Variants in ELOVL6 observed in about 807,000 individuals in gnomAD.
ELOVL6 encodes very long chain fatty acid elongase 6.
A neutral mutation model predicts 31.7 loss-of-function variants in ELOVL6; 8 were observed. That is an observed-to-expected ratio of 0.25 (90% CI 0.15 to 0.45). ELOVL6 has a LOEUF of 0.45. Among genes scored for constraint, ELOVL6 ranks in the 20% least tolerant of loss-of-function variants. The pLI is 1.00. For missense variants in ELOVL6, 126 were observed against 326.4 expected, an observed-to-expected ratio of 0.39 and a Z score of 4.73; for synonymous variants, 101 against 117.7, an observed-to-expected ratio of 0.86 and a Z score of 0.92.
chr4:110,188,441 C>T (rs907574762), intron 1 of ELOVL6, among the ~76,000 whole-genome samples: 3 of 152,014 alleles, frequency 2.0e-5, no homozygotes, highest in Non-Finnish European at 2.9e-5. Context: ...GTGACACACC[C>T]CTCATCATCA....
chr4:110,125,826 CA>C (rs200901190), intron 1 of ELOVL6, among the ~76,000 whole-genome samples: 89 of 131,366 alleles, frequency 6.8e-4, no homozygotes, highest in Non-Finnish European at 8.5e-4. Context: ...GACTCCATCT[CA>C]AAAAAAAAAA....
At chr4:110,127,462 A>C (rs1757540923) in intron 1 of ELOVL6, among the ~76,000 whole-genome samples, 1 of 151,640 alleles carries the variant, frequency 6.6e-6, no homozygotes, top group East Asian at 1.9e-4. Context: ...TAAGCTCCTA[A>C]AGCTTCTCCT....
chr4:110,157,353 A>C (rs111918039), intron 1 of ELOVL6, among the ~76,000 whole-genome samples: 5 of 152,300 alleles, frequency 3.3e-5, no homozygotes, highest in Admixed American at 6.5e-5. Context: ...GGGAGGGAAA[A>C]GAAGTGACTG....
intron 1 of ELOVL6, among the ~76,000 whole-genome samples, chr4:110,119,568 CAG>C (rs900714636): frequency 2.0e-5 from 3 of 152,158 alleles, no homozygotes; most frequent in Non-Finnish European, 2.9e-5. Context: ...TAAAACTGGT[CAG>C]ACAGTGTCCG....
At chr4:110,082,325 C>G (rs1020905295) in intron 2 of ELOVL6, among the ~76,000 whole-genome samples, 9 of 151,932 alleles carry the variant, frequency 5.9e-5, no homozygotes, top group Non-Finnish European at 8.8e-5. Flanking sequence ...TTCACAATAG[C>G]AAAGACTTGG....
intron 1 of ELOVL6, among the ~76,000 whole-genome samples, chr4:110,109,691 G>A (rs1756977134): frequency 1.3e-5 from 2 of 152,084 alleles, no homozygotes; most frequent in African/African-American, 4.8e-5. Flanking sequence ...TTTTAAACTC[G>A]TGGGATTTCA....
intron 1 of ELOVL6, among the ~76,000 whole-genome samples, chr4:110,156,685 CA>C (rs1310163455): frequency 1.3e-5 from 2 of 151,690 alleles, no homozygotes; most frequent in Non-Finnish European, 2.9e-5. Context: ...GACCCTGCCT[CA>C]AAAAAACAGA....
chr4:110,138,459 T>C (rs966690578), intron 1 of ELOVL6, among the ~76,000 whole-genome samples: 1 of 152,120 alleles, frequency 6.6e-6, no homozygotes, highest in African/African-American at 2.4e-5. Context: ...AAATTAATAG[T>C]AACACACTAC....
At chr4:110,094,425 ATATATATATATATATATAAT>A (rs1174073978) in intron 2 of ELOVL6, among the ~76,000 whole-genome samples, 1,527 of 65,538 alleles carry the variant, frequency 0.023, 95 homozygotes, top group African/African-American at 0.072. Flanking sequence ...ATATATATAT[ATATATATATATATATATAAT>A]ATATATAACA....
Position 110,189,966 on chromosome 4 carries a change from C to CAA in ELOVL6, c.89+8279_89+8280dup, listed in dbSNP as rs34493408. 0.014 allele frequency among the ~76,000 whole-genome samples: 1,873 copies of CAA among 133,648 alleles called. 81 individuals are homozygous for CAA. In the East Asian group the frequency reaches 0.18, roughly 13 times the overall value. 87.7% of individuals were successfully genotyped at this position (133,648 alleles called of 152,430 possible). ...TGGGCGACAGAGCCAGACTCCATCT[C>CAA]AAAAAAAAAAAAAAATTGGATTATA... On this transcript the variant is annotated intron_variant, in intron 1 of 3. Coordinates refer to ENST00000302274, the MANE Select transcript of ELOVL6 (RefSeq NM_024090.3).
intron 2 of ELOVL6, among the ~76,000 whole-genome samples, chr4:110,068,664 G>A (rs972675873): frequency 1.3e-5 from 2 of 152,150 alleles, no homozygotes; most frequent in Admixed American, 1.3e-4. Flanking sequence ...TAACTCCCTT[G>A]CTTTTCAGAG....
chr4:110,178,934 G>GTT (rs1188849718), intron 1 of ELOVL6, among the ~76,000 whole-genome samples: 10 of 152,082 alleles, frequency 6.6e-5, no homozygotes, highest in African/African-American at 2.4e-4. Flanking sequence ...TTTCACTTGT[G>GTT]TTTCTTAAAT....
Position 110,143,799 on chromosome 4 carries a change from T to C in ELOVL6, c.90-38171A>G, listed in dbSNP as rs967257430. The stretch of plus-strand genomic sequence containing the variant: ...GGCCGGGCGCAGTGGCTCACGCCTG[T>C]AATCCCAGCACTTTGGGAGGCTGAG... On this transcript the variant is annotated intron_variant, in intron 1 of 3. Transcript: ENST00000302274. 2.7e-4 allele frequency among the ~76,000 whole-genome samples: 41 copies of C among 152,174 alleles called. 1 individual carries two copies. Among genetic ancestry groups the C allele is most frequent in the African/African-American group, 9.9e-4 (41 of 41,438 alleles).
rs548290160 is a variant in ELOVL6 at position 110,080,084 on chromosome 4, TTGAGGC to T, written c.222-20336_222-20331del. Among the ~76,000 whole-genome samples, 18 of 150,998 alleles carry T rather than the reference TTGAGGC, an allele frequency of 1.2e-4. No homozygotes were observed. In the East Asian group the frequency reaches 3.3e-3, roughly 28 times the overall value. ...AATAGACCAAAAATAGGCTCTGAAATTGAGGCAATAATTAATAGCTTACCAACCAAA... is the reference window on the plus strand; with the variant it reads ...AATAGACCAAAAATAGGCTCTGAAATAATAATTAATAGCTTACCAACCAAA... On this transcript the variant is annotated intron_variant, in intron 2 of 3. Transcript: ENST00000302274.
At chr4:110,156,356 G>A (rs912392092) in intron 1 of ELOVL6, among the ~76,000 whole-genome samples, 21 of 152,182 alleles carry the variant, frequency 1.4e-4, no homozygotes, top group South Asian at 6.2e-4. Flanking sequence ...TTTCCACATT[G>A]GACTGACCTC....
At chr4:110,103,075 T>C (rs1756795908) in intron 2 of ELOVL6, among the ~76,000 whole-genome samples, 1 of 152,180 alleles carries the variant, frequency 6.6e-6, no homozygotes, top group Non-Finnish European at 1.5e-5. Context: ...CATTTTTCTC[T>C]TGCCTCTACC....
chr4:110,099,147 G>C (rs1283532355), intron 2 of ELOVL6, among the ~76,000 whole-genome samples: 6 of 151,958 alleles, frequency 3.9e-5, no homozygotes, highest in Admixed American at 6.6e-5. Flanking sequence ...TAGAAATAAG[G>C]TAATTGCCAA....
intron 1 of ELOVL6, among the ~76,000 whole-genome samples, chr4:110,132,685 A>G (rs1216923358): frequency 1.3e-5 from 2 of 151,968 alleles, no homozygotes; most frequent in African/African-American, 4.8e-5. Flanking sequence ...AAAATACAAA[A>G]AAAAATTAGC....
intron 1 of ELOVL6, among the ~76,000 whole-genome samples, chr4:110,120,811 TTTTTTTTGAAACAG>T (rs1757331331): frequency 1.4e-5 from 2 of 146,954 alleles, no homozygotes; most frequent in Admixed American, 1.4e-4. Flanking sequence ...TTTTTTTTTT[TTTTTTTTGAAACAG>T]AGTCTCGCTC....
Sources: gnomAD v4.1 joint callset for allele counts (sites outside exome capture counted in the v4.1 genomes callset) on GRCh38, gnomAD v4.1.1 for gene constraint, MANE v1.5 for transcripts, NCBI Gene and HGNC (gene_info 2026-07-23, HGNC 2026-07-21) for gene names.